SEMA5A: variants seen among roughly 807,000 people sequenced by gnomAD.
SEMA5A encodes semaphorin 5A, also known as semaphorin-5A.
SEMA5A carries 55 observed loss-of-function variants against 135.5 expected under a neutral mutation model. That is an observed-to-expected ratio of 0.41 (90% CI 0.33 to 0.51). The LOEUF is 0.51. Among genes scored for constraint, SEMA5A ranks in the 20% least tolerant of loss-of-function variants. The pLI is 0.37. For synonymous variants in SEMA5A, 580 were observed against 546.5 expected (o/e 1.06, Z -0.85); for missense variants, 1,290 against 1,419.9 (o/e 0.91, Z 1.47).
At chr5:9,456,494 C>T (rs1159306600) in intron 1 of SEMA5A, among the ~76,000 whole-genome samples, 3 of 151,966 alleles carry the variant, frequency 2.0e-5, no homozygotes, top group Non-Finnish European at 4.4e-5. Context: ...AAAAGGAAGG[C>T]TTCTTTGAGC....
At chr5:9,193,682 G>A (rs40695) in intron 10 of SEMA5A, among the ~76,000 whole-genome samples, 127,899 of 152,114 alleles carry the variant, frequency 0.84, 53,957 homozygotes, top group African/African-American at 0.88. Flanking sequence ...AGTGGATCAC[G>A]AGGTCAGGAG....
At chr5:9,105,117 T>C (rs912399361) in intron 16 of SEMA5A, among the ~76,000 whole-genome samples, 1 of 152,242 alleles carries the variant, frequency 6.6e-6, no homozygotes, top group African/African-American at 2.4e-5. Context: ...CCTCCCTCTG[T>C]GTCTGTCAAT....
intron 3 of SEMA5A, among the ~76,000 whole-genome samples, chr5:9,369,860 G>A (rs1224879295): frequency 2.0e-5 from 3 of 151,402 alleles, no homozygotes; most frequent in Non-Finnish European, 2.9e-5. Context: ...GATGGAACAT[G>A]TGTGATTAGA....
intron 5 of SEMA5A, among the ~76,000 whole-genome samples, chr5:9,261,209 G>GGAGAACTA (rs1749361741): frequency 4.2e-5 from 1 of 23,600 alleles, no homozygotes; most frequent in Non-Finnish European, 9.1e-5. Context: ...AACTCTTCAA[G>GGAGAACTA]GAGAACTACA....
intron 1 of SEMA5A, among the ~76,000 whole-genome samples, chr5:9,513,748 T>G (rs1736352253): frequency 6.6e-6 from 1 of 152,198 alleles, no homozygotes; most frequent in African/African-American, 2.4e-5. Flanking sequence ...ACGTTTTAAT[T>G]ATCCCCTTAT....
intron 5 of SEMA5A, among the ~76,000 whole-genome samples, chr5:9,293,178 G>C (rs1471879697): frequency 6.6e-6 from 1 of 151,132 alleles, no homozygotes; most frequent in Non-Finnish European, 1.5e-5. Context: ...TGAGCTGCTA[G>C]AGAGCTCTCA....
chr5:9,318,232 TC>T (rs1752475647), intron 5 of SEMA5A, 139 bp downstream of exon 5: 3 of 647,042 alleles, frequency 4.6e-6, no homozygotes, highest in Non-Finnish European at 7.8e-6. Context: ...GCCGCCTTAG[TC>T]CCGTGGCCTG....
intron 5 of SEMA5A, among the ~76,000 whole-genome samples, chr5:9,245,994 A>T (rs1432564555): frequency 2.6e-5 from 4 of 151,810 alleles, no homozygotes; most frequent in Non-Finnish European, 5.9e-5. Flanking sequence ...CATTAGAGAG[A>T]GAGAAGAAAA....
chr5:9,373,899 CA>C (rs1017588066), intron 3 of SEMA5A, among the ~76,000 whole-genome samples: 20 of 152,196 alleles, frequency 1.3e-4, no homozygotes, highest in African/African-American at 4.6e-4. Context: ...AAACTTTAAT[CA>C]ATAAACAAAC....
intron 3 of SEMA5A, among the ~76,000 whole-genome samples, chr5:9,372,898 G>A (rs568166201): frequency 3.6e-4 from 55 of 152,336 alleles, no homozygotes; most frequent in Admixed American, 7.2e-4. Context: ...GACACTGTCC[G>A]TGTTACGCCT....
In SEMA5A at chr5:9,203,952, G is replaced by T. The variant is rs373110902; in HGVS notation, c.647-1712C>A. ...TACATATCTGTAACTTGTGTTTTTG[G>T]AAAATAAAGAAAATACTGGGTGGTG... On this transcript the variant is annotated intron_variant, in intron 8 of 22. Transcript: ENST00000382496. Among the ~76,000 whole-genome samples, 249 of 146,778 alleles carry T rather than the reference G, an allele frequency of 1.7e-3. 6 individuals are homozygous for T. In the South Asian group the frequency reaches 0.053, roughly 31 times the overall value.
At chr5:9,484,558 T>A (rs1760004163) in intron 1 of SEMA5A, among the ~76,000 whole-genome samples, 1 of 152,214 alleles carries the variant, frequency 6.6e-6, no homozygotes, top group Non-Finnish European at 1.5e-5. Context: ...GTACCAGAAA[T>A]AACTCTGTAG....
intron 5 of SEMA5A, among the ~76,000 whole-genome samples, chr5:9,307,019 C>A (rs1157151754): frequency 6.6e-6 from 1 of 152,132 alleles, no homozygotes; most frequent in African/African-American, 2.4e-5. Flanking sequence ...TATAAAGCAG[C>A]CTATTCTTAG....
chr5:9,236,422 G>A (rs1747911936), intron 6 of SEMA5A, among the ~76,000 whole-genome samples: 1 of 152,176 alleles, frequency 6.6e-6, no homozygotes, highest in South Asian at 2.1e-4. Flanking sequence ...CCAGTGAAGT[G>A]GGGCCGAGGG....
At chr5:9,499,057 A>G (rs1451900536) in intron 1 of SEMA5A, among the ~76,000 whole-genome samples, 1 of 152,214 alleles carries the variant, frequency 6.6e-6, no homozygotes, top group Non-Finnish European at 1.5e-5. Context: ...AAACATAGGC[A>G]GCGAAAGGTC....
In SEMA5A at chr5:9,296,840, T is replaced by C. The variant is rs183771528; in HGVS notation, c.270+21532A>G. On this transcript the variant is annotated intron_variant, in intron 5 of 22. Coordinates refer to ENST00000382496, the MANE Select transcript of SEMA5A (RefSeq NM_003966.3). ...AGTAGTAACAGGCAGGAAAGGAGGG[T>C]AAGGGGAAGGAGAAACAGCATATTT... is the stretch of plus-strand genomic sequence containing the variant. 3.3e-3 allele frequency among the ~76,000 whole-genome samples: 473 copies of C among 142,346 alleles called. 1 individual carries two copies. The highest frequency in any genetic ancestry group is 0.012 in the African/African-American group (445 of 37,918). 93.4% of individuals were successfully genotyped at this position (142,346 alleles called of 152,430 possible).
chr5:9,178,848 A>G (rs1395542403), intron 11 of SEMA5A, among the ~76,000 whole-genome samples: 1 of 152,208 alleles, frequency 6.6e-6, no homozygotes, highest in Admixed American at 6.5e-5. Flanking sequence ...TCAAATTAGC[A>G]GTCAAGTGGG....
chr5:9,422,388 C>G (rs892545082), intron 2 of SEMA5A: 1 of 152,146 alleles, frequency 6.6e-6, no homozygotes, highest in African/African-American at 2.4e-5. Context: ...GACCAGAATT[C>G]TGAGCCCAAA....
intron 3 of SEMA5A, among the ~76,000 whole-genome samples, chr5:9,378,327 T>A (rs1755454057): frequency 6.6e-6 from 1 of 152,114 alleles, no homozygotes; most frequent in South Asian, 2.1e-4. Flanking sequence ...ATAGAAGTAT[T>A]CTAACCATTA....
Sources: allele counts gnomAD v4.1 joint callset (sites outside exome capture counted in the v4.1 genomes callset), GRCh38; gene constraint gnomAD v4.1.1; transcripts MANE v1.5; gene names NCBI Gene and HGNC (gene_info 2026-07-23, HGNC 2026-07-21).